Variants in CDK14 observed in about 807,000 individuals in gnomAD.
The protein encoded by CDK14 is cyclin dependent kinase 14.
A neutral mutation model predicts 60.7 loss-of-function variants in CDK14; 34 were observed. That is an observed-to-expected ratio of 0.56 (90% CI 0.43 to 0.75). CDK14 has a LOEUF of 0.75. Ranked by LOEUF, CDK14 falls within the 30% of genes least tolerant of loss-of-function variation. The probability of loss-of-function intolerance (pLI) is 0.00; values close to 1 mark genes in which losing one functional copy is unlikely to be tolerated. For missense variants in CDK14, 482 were observed against 564.1 expected, an observed-to-expected ratio of 0.85 and a Z score of 1.47; for synonymous variants, 197 against 203.7, an observed-to-expected ratio of 0.97 and a Z score of 0.28.
chr7:90,649,366 T>TTCCTTTCC (rs1491135766), intron 2 of CDK14, among the ~76,000 whole-genome samples: 1 of 22,176 alleles, frequency 4.5e-5, no homozygotes, highest in Non-Finnish European at 7.1e-5. Context: ...CCTTCCTTCC[T>TTCCTTTCC]TTCCTTCCTT....
intron 4 of CDK14, among the ~76,000 whole-genome samples, chr7:90,768,254 G>A (rs6970281): frequency 0.91 from 139,107 of 152,318 alleles, 63,648 homozygotes; most frequent in East Asian, 1. Context: ...TGTAGCTGGC[G>A]CAGCCAGATC....
chr7:90,776,205 CTT>C (rs1252675276), intron 4 of CDK14, among the ~76,000 whole-genome samples: 1 of 152,110 alleles, frequency 6.6e-6, no homozygotes, highest in Non-Finnish European at 1.5e-5. Flanking sequence ...TCCTTGATAA[CTT>C]TGCCTTACTT....
At chr7:90,677,923 A>G (rs765099652) in intron 2 of CDK14, among the ~76,000 whole-genome samples, 23 of 152,186 alleles carry the variant, frequency 1.5e-4, no homozygotes, top group Non-Finnish European at 3.2e-4. Flanking sequence ...GGTTAGGATG[A>G]TGCCCAGTGG....
At chr7:91,025,803 C>A (rs975279251) in intron 10 of CDK14, among the ~76,000 whole-genome samples, 2 of 152,196 alleles carry the variant, frequency 1.3e-5, no homozygotes, top group African/African-American at 2.4e-5. Flanking sequence ...CTTCCTTTTT[C>A]AGTTTAATTT....
chr7:90,906,329 A>G (rs1423693094), intron 7 of CDK14, among the ~76,000 whole-genome samples: 1 of 152,124 alleles, frequency 6.6e-6, no homozygotes, highest in Non-Finnish European at 1.5e-5. Context: ...TTCTTTATAA[A>G]TTTATGGAGA....
At chr7:90,957,885 G>A (rs1169866118) in intron 9 of CDK14, among the ~76,000 whole-genome samples, 2 of 152,064 alleles carry the variant, frequency 1.3e-5, no homozygotes, top group African/African-American at 2.4e-5. Flanking sequence ...AAAAGAGCCC[G>A]CATCGCCAAA....
intron 2 of CDK14, among the ~76,000 whole-genome samples, chr7:90,675,153 C>CAT: frequency 6.6e-6 from 1 of 152,166 alleles, no homozygotes; most frequent in Non-Finnish European, 1.5e-5. Context: ...GGAATTTTGC[C>CAT]CACTCAACCT....
Position 91,079,449 on chromosome 7 carries a change from A to T in CDK14, c.1123A>T (p.Ser375Cys). 1 of 1,601,090 alleles carries T rather than the reference A, an allele frequency of 6.2e-7. No individual in the cohort carries two copies. The highest frequency in any genetic ancestry group is 8.6e-7 in the Non-Finnish European group (1 of 1,169,376). The part of the protein sequence containing the change: ...HFKPERFTLY[S>C]SKNLRQAWNK... Reference sequence around the variant, plus strand: ...TATTTCAGAACGCTTTACCCTGTACAGCTCTAAAAACCTTAGACAAGCATG... The same window carrying T: ...TATTTCAGAACGCTTTACCCTGTACTGCTCTAAAAACCTTAGACAAGCATG... Residue 375 changes from serine to cysteine, a missense_variant, in exon 12 of 15, where the codon AGC (serine) becomes TGC (cysteine). Ser to Cys is a moderately radical substitution (Grantham distance 112, BLOSUM62 -1). Coordinates refer to ENST00000380050, the MANE Select transcript of CDK14 (RefSeq NM_001287135.2).
intron 2 of CDK14, among the ~76,000 whole-genome samples, chr7:90,654,236 G>A (rs911794051): frequency 6.6e-6 from 1 of 152,052 alleles, no homozygotes; most frequent in African/African-American, 2.4e-5. Context: ...CTACCCTGAG[G>A]AATTTATAAT....
chr7:91,167,294 A>T (rs1396723425), intron 14 of CDK14, among the ~76,000 whole-genome samples: 1 of 152,202 alleles, frequency 6.6e-6, no homozygotes, highest in Admixed American at 6.5e-5. Flanking sequence ...CTAATTTTTT[A>T]AAAAAGGAGA....
intron 8 of CDK14, among the ~76,000 whole-genome samples, chr7:90,923,027 T>G (rs927266938): frequency 6.6e-6 from 1 of 152,094 alleles, no homozygotes; most frequent in Non-Finnish European, 1.5e-5. Context: ...ATTCCAGAGT[T>G]TACATTAGGG....
At chr7:90,829,571 G>A (rs1002112296) in intron 5 of CDK14, among the ~76,000 whole-genome samples, 5 of 152,030 alleles carry the variant, frequency 3.3e-5, no homozygotes, top group African/African-American at 1.2e-4. Context: ...TCACTCTGTT[G>A]CCTAAACTGG....
At chr7:91,089,882 C>G (rs752595910) in intron 12 of CDK14, among the ~76,000 whole-genome samples, 3 of 152,128 alleles carry the variant, frequency 2.0e-5, no homozygotes, top group African/African-American at 7.2e-5. Context: ...TCATTTGGCT[C>G]TCATTTCTTG....
rs941019791 is a variant in CDK14, at chr7:90,911,634, G to A, written c.703-5967G>A. 6.7e-5 allele frequency among the ~76,000 whole-genome samples: 10 copies of A among 149,412 alleles called. No individual in the cohort carries two copies. In the East Asian group the frequency reaches 1.6e-3, roughly 24 times the overall value. On this transcript the variant is annotated intron_variant, in intron 7 of 14. Coordinates refer to ENST00000380050, the MANE Select transcript of CDK14 (RefSeq NM_001287135.2). ...AATCTGTGTATTTCTGACCATTCAT[G>A]GAGCAGGACACCTCTAGACACTGAG...
chr7:90,818,868 A>G (rs551489216), intron 5 of CDK14, among the ~76,000 whole-genome samples: 258 of 122,608 alleles, frequency 2.1e-3, no homozygotes, highest in Middle Eastern at 3.6e-3. Flanking sequence ...CTCTCTCTCT[A>G]TGTGTGTGTG....
At chr7:90,971,157 T>G (rs936204436) in intron 9 of CDK14, among the ~76,000 whole-genome samples, 2 of 151,910 alleles carry the variant, frequency 1.3e-5, no homozygotes, top group African/African-American at 4.8e-5. Context: ...CATGTGGTTT[T>G]TTTTTTTTTG....
chr7:91,046,245 G>A (rs13224945), intron 11 of CDK14, among the ~76,000 whole-genome samples: 10,799 of 152,186 alleles, frequency 0.071, 552 homozygotes, highest in Middle Eastern at 0.12. Flanking sequence ...TAGCATCCAT[G>A]TCTATAAAAA....
At chr7:90,717,344 C>G (rs187499371) in intron 2 of CDK14, among the ~76,000 whole-genome samples, 1 of 152,138 alleles carries the variant, frequency 6.6e-6, no homozygotes, top group African/African-American at 2.4e-5. Context: ...GAAAGACTAC[C>G]TAATATTCCA....
chr7:91,039,650 T>G (rs1238476090), intron 10 of CDK14, among the ~76,000 whole-genome samples: 2 of 152,216 alleles, frequency 1.3e-5, no homozygotes, highest in Non-Finnish European at 2.9e-5. Flanking sequence ...TTTTAAGATT[T>G]CCATGCCAAA....
Sources: gnomAD v4.1 joint callset for allele counts (sites outside exome capture counted in the v4.1 genomes callset) on GRCh38, gnomAD v4.1.1 for gene constraint, MANE v1.5 for transcripts, NCBI Gene and HGNC (gene_info 2026-07-23, HGNC 2026-07-21) for gene names.